The following MAGI1 variants were observed in gnomAD, a reference collection of about 807,000 sequenced individuals.
The protein encoded by MAGI1 is membrane-associated guanylate kinase, WW and PDZ domain-containing protein 1.
Under a neutral mutation model 139.9 loss-of-function variants are expected in MAGI1, and 58 were observed. That is an observed-to-expected ratio of 0.41 (90% confidence interval 0.34 to 0.52). MAGI1 has a LOEUF of 0.52. Among genes scored for constraint, MAGI1 ranks in the 20% least tolerant of loss-of-function variants. The probability of loss-of-function intolerance (pLI) is 0.12; values close to 1 mark genes in which losing one functional copy is unlikely to be tolerated. For synonymous variants in MAGI1, 812 were observed against 737.9 expected, an observed-to-expected ratio of 1.10 and a Z score of -1.63; for missense variants, 1,874 against 1,901.6, an observed-to-expected ratio of 0.99 and a Z score of 0.27.
At chr3:65,771,879 T>C (rs1215989868) in intron 1 of MAGI1, among the ~76,000 whole-genome samples, 1 of 152,144 alleles carries the variant, frequency 6.6e-6, no homozygotes, top group Non-Finnish European at 1.5e-5. Context: ...TAATTTATGG[T>C]TTGACTATTT....
At chr3:65,367,289 C>G (rs1941521778) in intron 18 of MAGI1, among the ~76,000 whole-genome samples, 1 of 152,152 alleles carries the variant, frequency 6.6e-6, no homozygotes, top group Admixed American at 6.5e-5. Flanking sequence ...ATTCCATTCT[C>G]AAATTATTTT....
intron 1 of MAGI1, among the ~76,000 whole-genome samples, chr3:65,834,338 A>G (rs2042687649): frequency 6.6e-6 from 1 of 152,202 alleles, no homozygotes. Flanking sequence ...AACCTCAAAC[A>G]GTGTGAATGA....
At chr3:65,454,769 T>C (rs1357416685) in intron 5 of MAGI1, among the ~76,000 whole-genome samples, 1 of 150,258 alleles carries the variant, frequency 6.7e-6, no homozygotes, top group Non-Finnish European at 1.5e-5. Flanking sequence ...AATCTGCGAA[T>C]GTATACACGT....
chr3:65,608,691 T>C (rs1357470125), intron 2 of MAGI1, among the ~76,000 whole-genome samples: 3 of 152,022 alleles, frequency 2.0e-5, no homozygotes, highest in African/African-American at 7.2e-5. Flanking sequence ...TAGGTGTGAG[T>C]GCAAATTGGT....
At chr3:65,392,227 G>C (rs1400384544) in intron 13 of MAGI1, among the ~76,000 whole-genome samples, 1 of 152,184 alleles carries the variant, frequency 6.6e-6, no homozygotes, top group African/African-American at 2.4e-5. Context: ...AAAAAGCTCT[G>C]TTAGAATGGG....
rs918944959 is a variant in MAGI1, at chr3:65,566,016, G to T, written c.430+55956C>A. On this transcript the variant is annotated intron_variant, in intron 2 of 22. Coordinates refer to ENST00000402939, the MANE Select transcript of MAGI1 (RefSeq NM_001033057.2). ...CACGCCTATAATCCCAGCACTTTGG[G>T]AGGCTGAGGCGGGCGGATCACAAGG... Among the ~76,000 whole-genome samples the T allele has an allele frequency of 2.0e-5, 3 of 152,050 alleles. No individual in the cohort carries two copies. In the East Asian group the frequency reaches 5.8e-4, roughly 29 times the overall value.
At chr3:65,789,220 A>G (rs1444584948) in intron 1 of MAGI1, among the ~76,000 whole-genome samples, 1 of 152,140 alleles carries the variant, frequency 6.6e-6, no homozygotes, top group Non-Finnish European at 1.5e-5. Flanking sequence ...AATAATGACC[A>G]AAATGTCCAG....
chr3:66,036,826 T>C (rs912567841), intron 1 of MAGI1, among the ~76,000 whole-genome samples: 1 of 152,204 alleles, frequency 6.6e-6, no homozygotes, highest in African/African-American at 2.4e-5. Flanking sequence ...ACCTGCGTCA[T>C]GGCACTTGCT....
At chr3:65,920,560 T>C (rs978805700) in intron 1 of MAGI1, among the ~76,000 whole-genome samples, 1 of 152,184 alleles carries the variant, frequency 6.6e-6, no homozygotes, top group Non-Finnish European at 1.5e-5. Context: ...TTCTGGGACT[T>C]AAGAAATATT....
chr3:65,569,350 T>C (rs1470239525), intron 2 of MAGI1, among the ~76,000 whole-genome samples: 1 of 152,174 alleles, frequency 6.6e-6, no homozygotes, highest in African/African-American at 2.4e-5. Context: ...GTTCTTGAGT[T>C]GGATGTTGAT....
intron 1 of MAGI1, among the ~76,000 whole-genome samples, chr3:65,658,016 G>T (rs1189325881): frequency 6.6e-6 from 1 of 152,172 alleles, no homozygotes; most frequent in Non-Finnish European, 1.5e-5. Context: ...CACTAAGTGT[G>T]CACACAGAAA....
chr3:66,026,633 T>C (rs1023155770), intron 1 of MAGI1, among the ~76,000 whole-genome samples: 2 of 151,488 alleles, frequency 1.3e-5, no homozygotes, highest in African/African-American at 2.4e-5. Flanking sequence ...CAAGGCACCA[T>C]TGTGACTCTT....
At chr3:65,566,265 A>T (rs2080634644) in intron 2 of MAGI1, among the ~76,000 whole-genome samples, 1 of 152,170 alleles carries the variant, frequency 6.6e-6, no homozygotes, top group Non-Finnish European at 1.5e-5. Context: ...AAAAAAAATA[A>T]AAAATAAAAA....
chr3:65,506,613 T>G (rs2107725243), intron 2 of MAGI1, among the ~76,000 whole-genome samples: 1 of 152,282 alleles, frequency 6.6e-6, no homozygotes, highest in Middle Eastern at 3.4e-3. Flanking sequence ...AGTCAACACA[T>G]TCTATAAATA....
intron 2 of MAGI1, among the ~76,000 whole-genome samples, chr3:65,614,728 C>G (rs1254652187): frequency 1.3e-5 from 2 of 151,894 alleles, no homozygotes; most frequent in African/African-American, 4.8e-5. Context: ...TCTTTACTGA[C>G]AAAGAGTGAT....
chr3:65,399,896 C>A (rs1478690786), intron 13 of MAGI1, among the ~76,000 whole-genome samples: 1 of 152,174 alleles, frequency 6.6e-6, no homozygotes, highest in Non-Finnish European at 1.5e-5. Flanking sequence ...TGCTACTTGA[C>A]GTCATGCTAC....
chr3:65,510,341 C>A (rs367982181), intron 2 of MAGI1, among the ~76,000 whole-genome samples: 1 of 151,874 alleles, frequency 6.6e-6, no homozygotes, highest in Non-Finnish European at 1.5e-5. Flanking sequence ...AGGCTTCAGA[C>A]GATCAAATTA....
At chr3:65,649,423 A>G (rs2085459770) in intron 1 of MAGI1, among the ~76,000 whole-genome samples, 1 of 152,184 alleles carries the variant, frequency 6.6e-6, no homozygotes, top group Non-Finnish European at 1.5e-5. Flanking sequence ...AGTCTTTGGT[A>G]TCTGGATCTA....
At chr3:65,405,670 C>A (rs972756866) in intron 12 of MAGI1, among the ~76,000 whole-genome samples, 4 of 152,126 alleles carry the variant, frequency 2.6e-5, no homozygotes, top group African/African-American at 9.7e-5. Context: ...TCTTGCCTCA[C>A]TGCAACCTCC....
Sources: allele counts gnomAD v4.1 joint callset (sites outside exome capture counted in the v4.1 genomes callset), GRCh38; gene constraint gnomAD v4.1.1; transcripts MANE v1.5; gene names NCBI Gene and HGNC (gene_info 2026-07-23, HGNC 2026-07-21).